Variants in PPT1 observed in about 807,000 individuals in gnomAD.
PPT1 encodes palmitoyl-protein thioesterase 1.
In PPT1, 24 loss-of-function variants were observed where a neutral mutation model predicts 44.0. The observed-to-expected ratio is 0.54, with a 90% CI of 0.39 to 0.77. The LOEUF (loss-of-function observed/expected upper bound fraction) is 0.77, where lower values mean the gene tolerates loss of function less well. Ranked by LOEUF, PPT1 falls within the 30% of genes least tolerant of loss-of-function variation. The pLI is 0.00. For missense variants in PPT1, 341 were observed against 378.8 expected, an observed-to-expected ratio of 0.90 and a Z score of 0.83; for synonymous variants, 148 against 140.2, an observed-to-expected ratio of 1.06 and a Z score of -0.39.
At chr1:40,076,328 G>T (rs939372255) in intron 8 of PPT1, among the ~76,000 whole-genome samples, 2 of 152,088 alleles carry the variant, frequency 1.3e-5, no homozygotes, top group African/African-American at 2.4e-5. Flanking sequence ...AGCCAGGTGT[G>T]ATGGCACACA....
At chr1:40,084,659 T>G (rs1445204799) in intron 5 of PPT1, among the ~76,000 whole-genome samples, 1 of 152,136 alleles carries the variant, frequency 6.6e-6, no homozygotes, top group African/African-American at 2.4e-5. Flanking sequence ...ACAACAAGAG[T>G]TATCCTAGAC....
At chr1:40,096,700 G>T in intron 1 of PPT1, 1 of 211,426 alleles carries the variant, frequency 4.7e-6, no homozygotes, top group South Asian at 6.7e-5. Flanking sequence ...TCAGATAAGG[G>T]TTACTCAATT....
At position 40,092,127 on chromosome 1, in the gene PPT1, T is replaced by C. The variant is rs1649598598; in HGVS notation, c.280A>G (p.Thr94Ala). 6.2e-7 allele frequency: 1 copy of C among 1,614,006 alleles called. No individual in the cohort carries two copies. Among genetic ancestry groups the C allele is most frequent in the Non-Finnish European group, 8.5e-7 (1 of 1,179,946 alleles). The change falls in exon 3 of 9, where the codon ACA becomes GCA. Residue 94 changes from threonine (T) to alanine (A), a missense_variant. Thr to Ala is a moderately conservative substitution (Grantham distance 58). Coordinates refer to ENST00000642050, the MANE Select transcript of PPT1 (RefSeq NM_000310.4). ...TCCTTAGCAAGTGCCTGACACACTG[T>C]TGTTACTTGGGAATTGACATTCAAG... is the stretch of plus-strand genomic sequence containing the variant. ...FFLNVNSQVT[T>A]VCQALAKDPK...
chr1:40,092,682 T>A (rs1649635229), intron 1 of PPT1, among the ~76,000 whole-genome samples, 175 bp from the exon 2 acceptor site: 1 of 151,430 alleles, frequency 6.6e-6, no homozygotes, highest in Non-Finnish European at 1.5e-5. Flanking sequence ...ATACAAGGAA[T>A]CTATAACTCA....
At position 40,089,505 on chromosome 1, in the gene PPT1, A is replaced by G. The variant is rs1258668425; in HGVS notation, c.441T>C (p.Phe147=). The change falls in exon 5 of 9, where the codon TTT becomes TTC. Residue 147 remains phenylalanine, a synonymous_variant. Coordinates refer to ENST00000642050, the MANE Select transcript of PPT1 (RefSeq NM_000310.4). ...ISVGGQHQGV[F]GLPRCPGESS... is the part of the protein sequence containing the mutation. Reference sequence around the variant, plus strand: ...TCTCTCCTGGGCATCGAGGGAGTCCAAAAACACCTACAGTGGTAGATGACA... The same window carrying G: ...TCTCTCCTGGGCATCGAGGGAGTCCGAAAACACCTACAGTGGTAGATGACA... 1 of 1,610,690 alleles carries G rather than the reference A, an allele frequency of 6.2e-7. No individual in the cohort carries two copies. The highest frequency in any genetic ancestry group is 8.5e-7 in the Non-Finnish European group (1 of 1,177,048).
chr1:40,072,371 A>T (rs1452958518), downstream of PPT1: 3 of 300,226 alleles, frequency 1.0e-5, no homozygotes, highest in African/African-American at 2.2e-5. Context: ...CATGCTCATC[A>T]GCTTATGGCT....
chr1:40,090,247 C>T (rs934755167), intron 4 of PPT1, among the ~76,000 whole-genome samples: 1 of 152,124 alleles, frequency 6.6e-6, no homozygotes, highest in Non-Finnish European at 1.5e-5. Flanking sequence ...GAACTCCTGG[C>T]TTCAAATGAT....
At chr1:40,077,495 T>G (rs2124470994) in intron 7 of PPT1, among the ~76,000 whole-genome samples, 1 of 152,348 alleles carries the variant, frequency 6.6e-6, no homozygotes, top group South Asian at 2.1e-4. Flanking sequence ...TTACATAATC[T>G]TTATATGTCC....
chr1:40,080,308 T>G, intron 6 of PPT1, 89 bp downstream of exon 6: 2 of 1,357,620 alleles, frequency 1.5e-6, no homozygotes, highest in South Asian at 1.2e-5. Flanking sequence ...CCCAGGACAG[T>G]TTGGGTAAAC....
chr1:40,086,411 C>T (rs1035391512), intron 5 of PPT1, among the ~76,000 whole-genome samples: 4 of 152,226 alleles, frequency 2.6e-5, no homozygotes, highest in African/African-American at 9.7e-5. Context: ...GGCTTCCCCA[C>T]CAGTTACTGT....
At chr1:40,075,477 C>CTTTTTTTTTTTTTTTTTTTT (rs5773686) in intron 8 of PPT1, among the ~76,000 whole-genome samples, 1 of 144,702 alleles carries the variant, frequency 6.9e-6, no homozygotes. Flanking sequence ...TTTCTCAAGC[C>CTTTTTTTTTTTTTTTTTTTT]TTTTTTTTTT....
At chr1:40,091,277 G>A in intron 4 of PPT1, 52 bp downstream of exon 4, 2 of 1,537,506 alleles carry the variant, frequency 1.3e-6, no homozygotes, top group Non-Finnish European at 1.8e-6. Context: ...TTTAAATCAG[G>A]TGGTCATGTG....
At chr1:40,088,909 G>A (rs1649403155) in intron 5 of PPT1, among the ~76,000 whole-genome samples, 1 of 152,058 alleles carries the variant, frequency 6.6e-6, no homozygotes, top group African/African-American at 2.4e-5. Context: ...AAATGCCCTT[G>A]TTTTTCTTTC....
intron 5 of PPT1, among the ~76,000 whole-genome samples, chr1:40,086,997 A>G (rs1649297605): frequency 6.6e-6 from 1 of 152,070 alleles, no homozygotes; most frequent in Non-Finnish European, 1.5e-5. Context: ...TATCACAAAG[A>G]CAAAATGATT....
At chr1:40,071,491 C>T (rs537431473), downstream of PPT1, 29 of 1,613,672 alleles carry the variant, frequency 1.8e-5, no homozygotes, top group Admixed American at 1.3e-4. Flanking sequence ...CCCTATGGAA[C>T]GGGCAGAAGT....
At position 40,086,271 on chromosome 1, in the gene PPT1, G is replaced by A. The variant is rs183262394; in HGVS notation, c.536+3139C>T. Among the ~76,000 whole-genome samples, 11 of 152,272 alleles carry A rather than the reference G, an allele frequency of 7.2e-5. No individual in the cohort carries two copies. In the East Asian group the frequency reaches 1.9e-3, roughly 27 times the overall value. ...GGGGATGGCAGGGAGCAAACCGGAG[G>A]AAGGAGAAGGCTAGGAAGGGCTGAC... On this transcript the variant is annotated intron_variant, in intron 5 of 8. Transcript: ENST00000642050.
chr1:40,089,319 AACT>A (rs1649429216), intron 5 of PPT1, 88 bp downstream of exon 5: 1 of 742,578 alleles, frequency 1.3e-6, no homozygotes, highest in Admixed American at 1.9e-5. Flanking sequence ...TATCACAAGG[AACT>A]ACTGCTGGAA....
chr1:40,093,593 A>T (rs1253064056), intron 1 of PPT1, among the ~76,000 whole-genome samples: 2 of 152,196 alleles, frequency 1.3e-5, no homozygotes, highest in Non-Finnish European at 2.9e-5. Context: ...AAGCTTCAAA[A>T]GTCCATACAG....
chr1:40,076,567 A>G lies in PPT1; in HGVS notation c.798+275T>C, dbSNP rs979672106. ...AGCTAGTTTTAAAACCTTTTTATCAAAAGAAGGGAATCAGACATGAGGTTT... is the reference window on the plus strand; with the variant it reads ...AGCTAGTTTTAAAACCTTTTTATCAGAAGAAGGGAATCAGACATGAGGTTT... On this transcript the variant is annotated intron_variant, in intron 8 of 8. Coordinates refer to ENST00000642050, the MANE Select transcript of PPT1 (RefSeq NM_000310.4). 1.1e-5 allele frequency: 11 copies of G among 971,614 alleles called. No homozygotes were observed. In the African/African-American group the frequency reaches 1.9e-4, roughly 17 times the overall value. 60.2% of individuals were successfully genotyped at this position (971,614 alleles called of 1,614,324 possible). A position where few individuals can be genotyped will look rare whatever the true frequency, so the allele number is the denominator to read the frequency against.
Sources: allele counts gnomAD v4.1 joint callset (sites outside exome capture counted in the v4.1 genomes callset), GRCh38; gene constraint gnomAD v4.1.1; transcripts MANE v1.5; gene names NCBI Gene and HGNC (gene_info 2026-07-23, HGNC 2026-07-21).